Variants in DLG2 observed in about 807,000 individuals in gnomAD.
The protein encoded by DLG2 is disks large homolog 2.
DLG2 carries 45 observed loss-of-function variants against 132.5 expected under a neutral mutation model. That is an observed-to-expected ratio of 0.34 (90% CI 0.27 to 0.44). DLG2 has a LOEUF of 0.44. Ranked by LOEUF, DLG2 falls within the 20% of genes least tolerant of loss-of-function variation. The pLI, the probability that DLG2 is intolerant of heterozygous loss-of-function variation, is 1.00. For synonymous variants in DLG2, 424 were observed against 419.6 expected, an observed-to-expected ratio of 1.01 and a Z score of -0.13; for missense variants, 1,045 against 1,196.9, an observed-to-expected ratio of 0.87 and a Z score of 1.87.
At chr11:85,466,614 C>A (rs140030418) in intron 3 of DLG2, among the ~76,000 whole-genome samples, 107 of 152,140 alleles carry the variant, frequency 7.0e-4, no homozygotes, top group Non-Finnish European at 1.3e-3. Flanking sequence ...AAGATCAGAT[C>A]GTTGTAGATA....
At chr11:84,821,106 T>G (rs1002729138) in intron 6 of DLG2, among the ~76,000 whole-genome samples, 1 of 151,902 alleles carries the variant, frequency 6.6e-6, no homozygotes, top group African/African-American at 2.4e-5. Flanking sequence ...TATAAATTAG[T>G]ATGTTTTAAA....
chr11:84,222,707 T>C (rs550340752), intron 8 of DLG2, among the ~76,000 whole-genome samples: 1 of 152,290 alleles, frequency 6.6e-6, no homozygotes, highest in African/African-American at 2.4e-5. Context: ...AGTCACACAA[T>C]GTAGCTTCCA....
chr11:84,914,871 T>C (rs1390756644), intron 6 of DLG2, among the ~76,000 whole-genome samples: 3 of 152,206 alleles, frequency 2.0e-5, no homozygotes, highest in South Asian at 4.1e-4. Context: ...AAATGAGTGA[T>C]GTACACAGTG....
At chr11:84,996,031 G>A (rs760126847) in intron 6 of DLG2, among the ~76,000 whole-genome samples, 2 of 151,940 alleles carry the variant, frequency 1.3e-5, no homozygotes, top group Non-Finnish European at 2.9e-5. Context: ...TCTGTCAGGA[G>A]GTCTGCTTGC....
intron 26 of DLG2, among the ~76,000 whole-genome samples, chr11:83,464,540 C>T (rs1218887645): frequency 6.6e-6 from 1 of 152,206 alleles, no homozygotes; most frequent in Non-Finnish European, 1.5e-5. Flanking sequence ...ACTTGAGACC[C>T]ATGAATATGG....
rs1602989567 is a variant in DLG2, at chr11:84,481,290, C to G, written c.519+53280G>C. 2.0e-5 allele frequency among the ~76,000 whole-genome samples: 3 copies of G among 152,012 alleles called. No individual in the cohort carries two copies. The South Asian group carries it at 6.2e-4, about 32-fold the overall frequency. ...AAACACCATATCATGTTTATCTTGCCCTATTTTTTGCTTTATCCCTGATTA... is the reference window on the plus strand; with the variant it reads ...AAACACCATATCATGTTTATCTTGCGCTATTTTTTGCTTTATCCCTGATTA... On this transcript the variant is annotated intron_variant, in intron 7 of 27. Transcript: ENST00000376104.
At chr11:85,016,566 G>C (rs757842338) in intron 6 of DLG2, among the ~76,000 whole-genome samples, 33 of 151,984 alleles carry the variant, frequency 2.2e-4, no homozygotes, top group Admixed American at 1.3e-4. Context: ...TACTGCATCT[G>C]GTCTCTCTCA....
At chr11:84,306,056 C>A (rs1273110832) in intron 7 of DLG2, among the ~76,000 whole-genome samples, 1 of 151,980 alleles carries the variant, frequency 6.6e-6, no homozygotes, top group African/African-American at 2.4e-5. Flanking sequence ...CAACATCACT[C>A]CTTTTCTGTT....
chr11:84,205,808 A>C (rs934294077), intron 8 of DLG2, among the ~76,000 whole-genome samples: 1 of 152,112 alleles, frequency 6.6e-6, no homozygotes, highest in Non-Finnish European at 1.5e-5. Context: ...AAGATGGTAT[A>C]TTCAAAGTAA....
chr11:83,737,750 G>A (rs2092091022), intron 18 of DLG2, among the ~76,000 whole-genome samples: 1 of 152,186 alleles, frequency 6.6e-6, no homozygotes. Flanking sequence ...TCAGGAGATC[G>A]AGACCATCTT....
chr11:85,195,648 C>T (rs1166733741), intron 4 of DLG2, among the ~76,000 whole-genome samples: 2 of 151,746 alleles, frequency 1.3e-5, no homozygotes, highest in African/African-American at 4.8e-5. Context: ...CTCAGCCTCC[C>T]GAGTAGCTGG....
At position 83,574,335 on chromosome 11, in the gene DLG2, A is replaced by G. The variant is rs890833430; in HGVS notation, c.1941-32477T>C. 3.9e-5 allele frequency among the ~76,000 whole-genome samples: 6 copies of G among 152,182 alleles called. No homozygotes were observed. In the East Asian group the frequency reaches 1.2e-3, roughly 29 times the overall value. On this transcript the variant is annotated intron_variant, in intron 19 of 27. Coordinates refer to ENST00000376104, the MANE Select transcript of DLG2 (RefSeq NM_001142699.3). The stretch of plus-strand genomic sequence containing the variant: ...CTTTATGGTTAATACAGGGGAGTAT[A>G]AAAGATATATATGTAGGGACTAAAC...
chr11:83,606,335 C>G (rs914873000), intron 19 of DLG2, among the ~76,000 whole-genome samples: 1 of 151,980 alleles, frequency 6.6e-6, no homozygotes, highest in African/African-American at 2.4e-5. Flanking sequence ...AAACAATTAG[C>G]TAATCTGTAT....
chr11:85,508,519 G>A (rs2093986252), intron 3 of DLG2, among the ~76,000 whole-genome samples: 1 of 152,034 alleles, frequency 6.6e-6, no homozygotes, highest in East Asian at 1.9e-4. Flanking sequence ...GTGCTTACCA[G>A]CTGACCTATT....
chr11:85,475,578 G>C (rs531183545), intron 3 of DLG2, among the ~76,000 whole-genome samples: 9 of 152,068 alleles, frequency 5.9e-5, no homozygotes, highest in African/African-American at 1.9e-4. Flanking sequence ...AGAGTAAAGA[G>C]AAACTAACAA....
rs187115103 is a variant in DLG2 at position 85,262,075 on chromosome 11, G to C, written c.186+23145C>G. On this transcript the variant is annotated intron_variant, in intron 4 of 27. Transcript: ENST00000376104. ...TTTGGCAGAGATCGCAATCCTGAGA[G>C]AGAGTCATGAAAGCCTGAATATAAG... is the stretch of plus-strand genomic sequence containing the variant. 1.7e-3 allele frequency among the ~76,000 whole-genome samples: 260 copies of C among 152,304 alleles called. 1 individual carries two copies. The highest frequency in any genetic ancestry group is 6.1e-3 in the African/African-American group (255 of 41,566).
chr11:84,134,474 G>A (rs1199117278), intron 9 of DLG2, among the ~76,000 whole-genome samples: 1 of 152,034 alleles, frequency 6.6e-6, no homozygotes, highest in Non-Finnish European at 1.5e-5. Context: ...GCTTGACAAT[G>A]CTCAAAAGCA....
intron 21 of DLG2, among the ~76,000 whole-genome samples, chr11:83,511,931 C>T (rs1021915803): frequency 1.3e-5 from 2 of 152,008 alleles, no homozygotes; most frequent in Non-Finnish European, 2.9e-5. Context: ...TATTTCCCTA[C>T]GTGTGTCCCT....
At chr11:83,891,044 C>T (rs2069673997) in intron 15 of DLG2, among the ~76,000 whole-genome samples, 1 of 152,030 alleles carries the variant, frequency 6.6e-6, no homozygotes, top group Admixed American at 6.6e-5. Flanking sequence ...AATATGCATG[C>T]CATCAAGGTA....
Sources: gnomAD v4.1 joint callset for allele counts (sites outside exome capture counted in the v4.1 genomes callset) on GRCh38, gnomAD v4.1.1 for gene constraint, MANE v1.5 for transcripts, NCBI Gene and HGNC (gene_info 2026-07-23, HGNC 2026-07-21) for gene names.